Variants in CDH13 observed in about 807,000 individuals in gnomAD.
CDH13 encodes the protein cadherin 13.
CDH13 carries 24 observed loss-of-function variants against 63.8 expected under a neutral mutation model. The observed-to-expected ratio is 0.38, with a 90% CI of 0.27 to 0.53. The LOEUF is 0.53. CDH13 is among the 20% of genes least tolerant of loss of function. The pLI is 0.85. For missense variants in CDH13, 1,049 were observed against 903.1 expected (o/e 1.16, Z -2.07); for synonymous variants, 503 against 355.3 (o/e 1.42, Z -4.67).
At chr16:82,973,881 A>T (rs1909126424) in intron 2 of CDH13, among the ~76,000 whole-genome samples, 1 of 151,960 alleles carries the variant, frequency 6.6e-6, no homozygotes, top group African/African-American at 2.4e-5. Context: ...TGTGTCACAT[A>T]CTCACACACC....
At chr16:83,111,304 G>C (rs762165163) in intron 3 of CDH13, among the ~76,000 whole-genome samples, 4 of 152,212 alleles carry the variant, frequency 2.6e-5, no homozygotes, top group Non-Finnish European at 5.9e-5. Context: ...TGCCATGATA[G>C]AAGAATGTCC....
intron 4 of CDH13, among the ~76,000 whole-genome samples, chr16:83,173,237 C>T (rs182094363): frequency 4.6e-5 from 7 of 152,194 alleles, no homozygotes; most frequent in African/African-American, 1.2e-4. Context: ...GTGAATCCAG[C>T]GTTTGAACTC....
rs142713402 is a variant in CDH13 at position 83,315,490 on chromosome 16, G to A, written c.637-29372G>A. 1.7e-4 allele frequency among the ~76,000 whole-genome samples: 26 copies of A among 152,130 alleles called. No homozygotes were observed. In the East Asian group the frequency reaches 2.9e-3, roughly 17 times the overall value. On this transcript the variant is annotated intron_variant, in intron 5 of 13. Coordinates refer to ENST00000567109, the MANE Select transcript of CDH13 (RefSeq NM_001257.5). ...CCAGTGAAATCACTGCTTTCTTTCC[G>A]TGAATGACTAACTGGTGATGATATT... is the stretch of plus-strand genomic sequence containing the variant.
intron 1 of CDH13, among the ~76,000 whole-genome samples, chr16:82,738,509 C>G (rs1330424863): frequency 1.3e-5 from 2 of 152,216 alleles, no homozygotes; most frequent in African/African-American, 4.8e-5. Context: ...TAGTGGCTCA[C>G]AAGCTAGTTT....
At chr16:83,032,518 T>C (rs1916458858) in intron 3 of CDH13, among the ~76,000 whole-genome samples, 1 of 152,162 alleles carries the variant, frequency 6.6e-6, no homozygotes, top group African/African-American at 2.4e-5. Flanking sequence ...ATCTCGTGGC[T>C]CCATTTTCCT....
chr16:83,060,564 G>A (rs749190044), intron 3 of CDH13, among the ~76,000 whole-genome samples: 3 of 152,140 alleles, frequency 2.0e-5, no homozygotes, highest in African/African-American at 4.8e-5. Context: ...CAGTCGAGGT[G>A]TAGAAAGGTT....
chr16:83,316,555 A>G (rs2151890640), intron 5 of CDH13, among the ~76,000 whole-genome samples: 1 of 152,234 alleles, frequency 6.6e-6, no homozygotes, highest in South Asian at 2.1e-4. Context: ...CAGATGTGCT[A>G]GGGAATGTGG....
chr16:82,975,301 C>T (rs542171773), intron 2 of CDH13, among the ~76,000 whole-genome samples: 14 of 152,158 alleles, frequency 9.2e-5, no homozygotes, highest in Admixed American at 2.6e-4. Flanking sequence ...AGACAAAACC[C>T]GTGCGCCTTG....
chr16:83,618,260 A>T (rs1217690376), intron 8 of CDH13, among the ~76,000 whole-genome samples: 1 of 151,840 alleles, frequency 6.6e-6, no homozygotes, highest in Non-Finnish European at 1.5e-5. Context: ...CCTTGTCTCT[A>T]CTAAAATACA....
chr16:83,234,087 A>G (rs1389059664), intron 5 of CDH13, among the ~76,000 whole-genome samples: 1 of 152,184 alleles, frequency 6.6e-6, no homozygotes, highest in Non-Finnish European at 1.5e-5. Flanking sequence ...TGACGGCCGG[A>G]AGGAGAAGTA....
chr16:83,043,188 C>G (rs909645146), intron 3 of CDH13, among the ~76,000 whole-genome samples: 4 of 152,080 alleles, frequency 2.6e-5, no homozygotes, highest in Non-Finnish European at 5.9e-5. Flanking sequence ...AGACATCCTT[C>G]AATTCATTAA....
In CDH13 at chr16:83,265,248, CTGTT is replaced by C. The variant is rs201083372; in HGVS notation, c.636+47754_636+47757del. 9.5e-3 allele frequency among the ~76,000 whole-genome samples: 1,447 copies of C among 152,314 alleles called. 15 individuals are homozygous for C. Among genetic ancestry groups the C allele is most frequent in the East Asian group, 0.032 (165 of 5,186 alleles). ...CTGACTGGCCATCAAACTGGGAACTCTGTTTGCCTTTGTCCTGTACTGAGTCTCC... is the reference window on the plus strand; with the variant it reads ...CTGACTGGCCATCAAACTGGGAACTCTGCCTTTGTCCTGTACTGAGTCTCC... On this transcript the variant is annotated intron_variant, in intron 5 of 13. Transcript: ENST00000567109.
At chr16:83,318,596 G>A (rs1394772367) in intron 5 of CDH13, among the ~76,000 whole-genome samples, 5 of 152,162 alleles carry the variant, frequency 3.3e-5, no homozygotes, top group Admixed American at 6.5e-5. Context: ...AGGAATCTCT[G>A]TGGCACGTTG....
chr16:82,914,443 T>C (rs1315998552), intron 2 of CDH13, among the ~76,000 whole-genome samples: 1 of 152,160 alleles, frequency 6.6e-6, no homozygotes, highest in East Asian at 1.9e-4. Context: ...TAGTAAATAG[T>C]GGAATAGGCC....
At chr16:83,157,487 C>A (rs1435773561) in intron 4 of CDH13, among the ~76,000 whole-genome samples, 1 of 152,178 alleles carries the variant, frequency 6.6e-6, no homozygotes, top group Non-Finnish European at 1.5e-5. Context: ...CTTTTAAAGT[C>A]TAAATGCAGT....
chr16:83,620,964 C>T (rs1909755620), intron 8 of CDH13, among the ~76,000 whole-genome samples: 1 of 152,180 alleles, frequency 6.6e-6, no homozygotes, highest in African/African-American at 2.4e-5. Context: ...AAACATCCCC[C>T]AGCCAGTGTG....
intron 4 of CDH13, among the ~76,000 whole-genome samples, chr16:83,198,425 A>T (rs2038937249): frequency 6.6e-6 from 1 of 152,142 alleles, no homozygotes; most frequent in Non-Finnish European, 1.5e-5. Context: ...TTTGCAGCTG[A>T]AGACATAATG....
At chr16:83,556,146 G>A (rs969791100) in intron 7 of CDH13, among the ~76,000 whole-genome samples, 10 of 152,142 alleles carry the variant, frequency 6.6e-5, no homozygotes, top group Non-Finnish European at 1.3e-4. Context: ...CTGCAGCAGC[G>A]TTCTAACTCA....
Position 83,291,938 on chromosome 16 carries a change from T to G in CDH13, c.637-52924T>G, listed in dbSNP as rs117918307. Among the ~76,000 whole-genome samples the G allele has an allele frequency of 2.0e-3, 310 of 152,318 alleles. 8 individuals are homozygous for G. In the East Asian group the frequency reaches 0.048, roughly 23 times the overall value. On this transcript the variant is annotated intron_variant, in intron 5 of 13. Transcript: ENST00000567109. ...TCCAAGTTGTTTTTAACATACAAAT[T>G]TATCACATCACGTTTCATCATGCCT...
Sources: allele counts gnomAD v4.1 joint callset (sites outside exome capture counted in the v4.1 genomes callset), GRCh38; gene constraint gnomAD v4.1.1; transcripts MANE v1.5; gene names NCBI Gene and HGNC (gene_info 2026-07-23, HGNC 2026-07-21).